Variants in SRGAP1 observed in about 807,000 individuals in gnomAD.
The protein encoded by SRGAP1 is SLIT-ROBO Rho GTPase-activating protein 1.
Under a neutral mutation model 121.9 loss-of-function variants are expected in SRGAP1, and 43 were observed. That is an observed-to-expected ratio of 0.35 (90% CI 0.28 to 0.46). The LOEUF is 0.46. Among genes scored for constraint, SRGAP1 ranks in the 20% least tolerant of loss-of-function variants. The probability of loss-of-function intolerance (pLI) is 1.00; values close to 1 mark genes in which losing one functional copy is unlikely to be tolerated. For synonymous variants in SRGAP1, 447 were observed against 485.4 expected, an observed-to-expected ratio of 0.92 and a Z score of 1.04; for missense variants, 1,102 against 1,350.9, an observed-to-expected ratio of 0.82 and a Z score of 2.89.
chr12:63,971,106 G>A (rs1468436147), intron 1 of SRGAP1, among the ~76,000 whole-genome samples: 1 of 152,152 alleles, frequency 6.6e-6, no homozygotes, highest in Non-Finnish European at 1.5e-5. Context: ...CCCTTTCGGA[G>A]CCCACCCACA....
chr12:63,861,662 A>T (rs1471065708), intron 1 of SRGAP1, among the ~76,000 whole-genome samples: 2 of 151,974 alleles, frequency 1.3e-5, no homozygotes, highest in African/African-American at 4.8e-5. Flanking sequence ...AATTTCCATG[A>T]TTATTATTTC....
At chr12:64,019,383 C>T (rs1262180487) in intron 4 of SRGAP1, among the ~76,000 whole-genome samples, 1 of 152,132 alleles carries the variant, frequency 6.6e-6, no homozygotes, top group Non-Finnish European at 1.5e-5. Flanking sequence ...CTATCACAGT[C>T]ATTTAAGCTC....
intron 1 of SRGAP1, among the ~76,000 whole-genome samples, chr12:63,981,384 A>C (rs917840031): frequency 4.6e-5 from 7 of 152,150 alleles, no homozygotes; most frequent in East Asian, 1.9e-4. Flanking sequence ...AACAAAAAAA[A>C]CCCCAGAAAA....
In SRGAP1 at chr12:64,128,041, T is replaced by C. The variant is rs773060850; in HGVS notation, c.2721T>C (p.Pro907=). The change falls in exon 21 of 22, where the codon CCT becomes CCC. Residue 907 remains proline (P), a synonymous_variant. Transcript: ENST00000355086. ...LQNRGLNNDS[P]ERRRRPGHGS... ...ACCGTGGCCTCAACAATGACAGTCC[T>C]GAGCGGAGGCGCAGGCCTGGCCATG... The C allele has an allele frequency of 6.2e-7, 1 of 1,614,064 alleles. No individual in the cohort carries two copies. The highest frequency in any genetic ancestry group is 8.5e-7 in the Non-Finnish European group (1 of 1,180,008).
intron 3 of SRGAP1, among the ~76,000 whole-genome samples, chr12:63,992,964 G>A (rs2136421946): frequency 6.6e-6 from 1 of 152,252 alleles, no homozygotes; most frequent in South Asian, 2.1e-4. Flanking sequence ...AATTACAGGT[G>A]TGAAGTTCTG....
At chr12:63,950,244 T>C (rs1191861834) in intron 1 of SRGAP1, among the ~76,000 whole-genome samples, 1 of 152,170 alleles carries the variant, frequency 6.6e-6, no homozygotes, top group Non-Finnish European at 1.5e-5. Flanking sequence ...CATACCTTTT[T>C]AGAAAGCATC....
At chr12:63,891,979 G>A (rs1489731754) in intron 1 of SRGAP1, among the ~76,000 whole-genome samples, 55 of 73,972 alleles carry the variant, frequency 7.4e-4, no homozygotes, top group African/African-American at 3.3e-3. Flanking sequence ...GAGCAAGACT[G>A]TCTCAAAAAA....
intron 18 of SRGAP1, among the ~76,000 whole-genome samples, chr12:64,119,078 TG>T (rs1268357136): frequency 6.6e-6 from 1 of 152,216 alleles, no homozygotes; most frequent in Non-Finnish European, 1.5e-5. Context: ...GCAATTTATT[TG>T]GGGGTATGGG....
In SRGAP1 at chr12:64,152,306, G is replaced by A. The variant is rs896448785; in HGVS notation, c.*9634G>A. ...CTGGTCACACAGCTAGATAGTGACA[G>A]AGCAGGATTTGATTCCACGCCATCT... On this transcript the variant is annotated 3_prime_UTR_variant, in exon 22 of 22. Coordinates refer to ENST00000355086, the MANE Select transcript of SRGAP1 (RefSeq NM_020762.4). 2.6e-5 allele frequency: 4 copies of A among 152,174 alleles called. No homozygotes were observed. Among genetic ancestry groups the A allele is most frequent in the African/African-American group, 9.7e-5 (4 of 41,440 alleles). The allele number at this position is 152,174 out of a possible 1,614,324, so 9.4% of individuals were successfully genotyped here. A position where few individuals can be genotyped will look rare whatever the true frequency, so the allele number is the denominator to read the frequency against.
chr12:63,956,720 CTTTTT>C (rs3067620), intron 1 of SRGAP1, among the ~76,000 whole-genome samples: 4 of 96,976 alleles, frequency 4.1e-5, no homozygotes, highest in Admixed American at 1.1e-4. Flanking sequence ...GTAAGCAAGG[CTTTTT>C]TTTTTTTTTT....
intron 3 of SRGAP1, among the ~76,000 whole-genome samples, chr12:64,013,364 G>A (rs2034306152): frequency 6.6e-6 from 1 of 152,204 alleles, no homozygotes; most frequent in Non-Finnish European, 1.5e-5. Flanking sequence ...GTGAATACAA[G>A]GATGTGTGAA....
intron 4 of SRGAP1, chr12:64,038,448 C>T (rs548986786): frequency 2.6e-5 from 4 of 152,050 alleles, no homozygotes; most frequent in East Asian, 1.9e-4. Context: ...TCCTGGGATC[C>T]GTGTCTTCTA....
At chr12:64,102,901 A>C (rs1262716176) in intron 15 of SRGAP1, among the ~76,000 whole-genome samples, 1 of 152,210 alleles carries the variant, frequency 6.6e-6, no homozygotes, top group Non-Finnish European at 1.5e-5. Context: ...GATCTTGTAC[A>C]ACTCTGAGTG....
At chr12:64,021,772 A>G (rs959643171) in intron 4 of SRGAP1, among the ~76,000 whole-genome samples, 3 of 152,216 alleles carry the variant, frequency 2.0e-5, no homozygotes, top group Non-Finnish European at 4.4e-5. Flanking sequence ...GTAGGTGGCA[A>G]ATTGAACATG....
chr12:63,927,084 A>G (rs1258688936), intron 1 of SRGAP1, among the ~76,000 whole-genome samples: 1 of 152,024 alleles, frequency 6.6e-6, no homozygotes, highest in Admixed American at 6.6e-5. Context: ...CCACCAATAT[A>G]TTTTATAGTA....
At chr12:63,879,944 A>G (rs1210247859) in intron 1 of SRGAP1, among the ~76,000 whole-genome samples, 1 of 152,154 alleles carries the variant, frequency 6.6e-6, no homozygotes, top group East Asian at 1.9e-4. Context: ...ATGGGTTGAT[A>G]TGGTTTAGCT....
chr12:63,868,059 T>A (rs866071510), intron 1 of SRGAP1, among the ~76,000 whole-genome samples: 7,056 of 70,794 alleles, frequency 0.1, 70 homozygotes, highest in Non-Finnish European at 0.12. Context: ...TATATATATT[T>A]TTTTTTTTTT....
chr12:63,959,308 C>T (rs2032565914), intron 1 of SRGAP1, among the ~76,000 whole-genome samples: 1 of 152,160 alleles, frequency 6.6e-6, no homozygotes. Flanking sequence ...ATAACTAGCT[C>T]ATAAACTGAG....
At chr12:63,942,160 G>T (rs2031890911) in intron 1 of SRGAP1, among the ~76,000 whole-genome samples, 1 of 152,108 alleles carries the variant, frequency 6.6e-6, no homozygotes, top group Non-Finnish European at 1.5e-5. Flanking sequence ...AGGTAGTCTT[G>T]TTGAAAAATT....
Sources: gnomAD v4.1 joint callset for allele counts (sites outside exome capture counted in the v4.1 genomes callset) on GRCh38, gnomAD v4.1.1 for gene constraint, MANE v1.5 for transcripts, NCBI Gene and HGNC (gene_info 2026-07-23, HGNC 2026-07-21) for gene names.